The following PAK1 variants were observed in gnomAD, a reference collection of about 807,000 sequenced individuals.
The protein encoded by PAK1 is p21 (RAC1) activated kinase 1.
A neutral mutation model predicts 67.4 loss-of-function variants in PAK1; 29 were observed. The ratio of observed to expected loss-of-function variants is 0.43; its 90% CI spans 0.32 to 0.59. The LOEUF (loss-of-function observed/expected upper bound fraction) is 0.59. PAK1 is among the 20% of genes least tolerant of loss of function. The probability of loss-of-function intolerance (pLI) is 0.07; values close to 1 mark genes in which losing one functional copy is unlikely to be tolerated. For missense variants in PAK1, 337 were observed against 670.7 expected (o/e 0.50, Z 5.50); for synonymous variants, 223 against 237.4 (o/e 0.94, Z 0.56).
Position 77,322,907 on chromosome 11 carries a change from T to C in PAK1, c.*367A>G, listed in dbSNP as rs1272337366. On this transcript the variant is annotated 3_prime_UTR_variant, in exon 15 of 15. Coordinates refer to ENST00000356341, the MANE Select transcript of PAK1 (RefSeq NM_002576.5). The stretch of plus-strand genomic sequence containing the variant: ...TCAATTGATTACAAATTGATAATAT[T>C]ATCAAACCATAAATTTATATAGTCA... The C allele has an allele frequency of 1.1e-5, 6 of 561,884 alleles. No individual in the cohort carries two copies. In the South Asian group the frequency reaches 1.2e-4, roughly 11 times the overall value. 34.8% of individuals were successfully genotyped at this position (561,884 alleles called of 1,614,324 possible). A position where few individuals can be genotyped will look rare whatever the true frequency, so the allele number is the denominator to read the frequency against.
the PAK1 span, among the ~76,000 whole-genome samples, chr11:77,526,913 C>T: frequency 1.4e-5 from 2 of 144,270 alleles, no homozygotes; most frequent in African/African-American, 5.2e-5. Flanking sequence ...GAGACTCCAT[C>T]GCAAAAAAAA....
chr11:77,505,165 G>A, the PAK1 span, among the ~76,000 whole-genome samples: 1 of 151,674 alleles, frequency 6.6e-6, no homozygotes, highest in African/African-American at 2.4e-5. Flanking sequence ...TCACAGTGTT[G>A]TGCAACCATT....
chr11:77,462,623 G>C lies in PAK1; in HGVS notation c.-22+10929C>G, dbSNP rs191343863. ...AAGGCTGGCAGATCACTTGAGGTCA[G>C]GTGTCTGAGACCAGCCTGGCCAACA... On this transcript the variant is annotated intron_variant, in intron 1 of 14. Transcript: ENST00000356341. Among the ~76,000 whole-genome samples the C allele has an allele frequency of 1.9e-3, 291 of 152,110 alleles. 1 individual carries two copies. The highest frequency in any genetic ancestry group is 3.4e-3 in the Middle Eastern group (1 of 294).
At chr11:77,392,166 T>C (rs1227752494) in intron 2 of PAK1, among the ~76,000 whole-genome samples, 165 bp downstream of exon 2, 1 of 151,832 alleles carries the variant, frequency 6.6e-6, no homozygotes, top group Non-Finnish European at 1.5e-5. Context: ...AAAATAGGTC[T>C]ATTTTCCATT....
the PAK1 span, among the ~76,000 whole-genome samples, chr11:77,486,461 T>C: frequency 6.6e-6 from 1 of 152,172 alleles, no homozygotes; most frequent in Non-Finnish European, 1.5e-5. Flanking sequence ...AAAATCACCT[T>C]CATAACAACC....
At chr11:77,406,880 C>T (rs1348674304) in intron 1 of PAK1, among the ~76,000 whole-genome samples, 8 of 152,136 alleles carry the variant, frequency 5.3e-5, no homozygotes. Flanking sequence ...AAGGCAGATA[C>T]ATTAACCACA....
At chr11:77,522,605 T>C in the PAK1 span, among the ~76,000 whole-genome samples, 1 of 152,202 alleles carries the variant, frequency 6.6e-6, no homozygotes, top group Non-Finnish European at 1.5e-5. Flanking sequence ...AGGAAATGCT[T>C]ATACACTGTG....
intron 5 of PAK1, among the ~76,000 whole-genome samples, chr11:77,364,347 A>G (rs1192165239): frequency 2.0e-5 from 3 of 152,226 alleles, no homozygotes; most frequent in African/African-American, 7.2e-5. Context: ...TTTGAGCACC[A>G]TCTGTGTCAA....
chr11:77,450,696 T>G (rs7112264), intron 1 of PAK1, among the ~76,000 whole-genome samples: 16,850 of 152,170 alleles, frequency 0.11, 2,280 homozygotes, highest in African/African-American at 0.31. Context: ...GACTTAGACA[T>G]GGTTCCAGTT....
the PAK1 span, among the ~76,000 whole-genome samples, chr11:77,521,382 A>G: frequency 1.3e-5 from 2 of 152,168 alleles, no homozygotes; most frequent in African/African-American, 4.8e-5. Context: ...CTACAAAATT[A>G]GCCGGGCATG....
At chr11:77,379,783 C>A (rs1949579127) in intron 3 of PAK1, 111 bp downstream of exon 3, 2 of 756,120 alleles carry the variant, frequency 2.6e-6, no homozygotes, top group Non-Finnish European at 4.4e-6. Context: ...AAATTGTAAT[C>A]AGGGTCTCAG....
intron 1 of PAK1, among the ~76,000 whole-genome samples, chr11:77,460,323 CT>C (rs71043580): frequency 0.57 from 74,255 of 131,328 alleles, 20,782 homozygotes; most frequent in Non-Finnish European, 0.65. Flanking sequence ...TTTTTGTTTG[CT>C]TTTTTTTTTT....
At chr11:77,373,740 G>A (rs536414496) in intron 5 of PAK1, among the ~76,000 whole-genome samples, 1 of 152,222 alleles carries the variant, frequency 6.6e-6, no homozygotes, top group African/African-American at 2.4e-5. Flanking sequence ...AATTCTTCAT[G>A]ATTTCTATAA....
intron 5 of PAK1, among the ~76,000 whole-genome samples, chr11:77,373,136 C>T (rs1948646748): frequency 1.3e-5 from 2 of 152,110 alleles, no homozygotes; most frequent in African/African-American, 4.8e-5. Context: ...TGTAATGTCA[C>T]TTATTCACAC....
Position 77,415,626 on chromosome 11 carries a change from A to C in PAK1, c.-21-23085T>G, listed in dbSNP as rs1173696793. 5.9e-5 allele frequency among the ~76,000 whole-genome samples: 9 copies of C among 152,300 alleles called. No homozygotes were observed. The East Asian group carries it at 7.7e-4, about 13-fold the overall frequency. On this transcript the variant is annotated intron_variant, in intron 1 of 14. Coordinates refer to ENST00000356341, the MANE Select transcript of PAK1 (RefSeq NM_002576.5). ...TACGCCATAAAAGATTAAAAAAAAA[A>C]CAGTACATATGTAAAGGGCATTTAC...
At chr11:77,325,608 G>A (rs1428897076) in intron 14 of PAK1, among the ~76,000 whole-genome samples, 1 of 152,020 alleles carries the variant, frequency 6.6e-6, no homozygotes, top group Admixed American at 6.6e-5. Flanking sequence ...TTTACTAATC[G>A]CAGGCTTAGC....
At chr11:77,371,415 A>C (rs945197634) in intron 5 of PAK1, among the ~76,000 whole-genome samples, 25 of 152,200 alleles carry the variant, frequency 1.6e-4, no homozygotes, top group Non-Finnish European at 1.5e-5. Flanking sequence ...TCAAGGATTA[A>C]GACAGTGCAC....
intron 9 of PAK1, among the ~76,000 whole-genome samples, chr11:77,348,229 T>C (rs570052042): frequency 3.2e-4 from 48 of 152,094 alleles, no homozygotes; most frequent in Admixed American, 2.9e-3. Flanking sequence ...GAAGAGGAGG[T>C]GCCTCTCTCA....
chr11:77,437,449 GATT>G (rs1430100078), intron 1 of PAK1, among the ~76,000 whole-genome samples: 2 of 152,118 alleles, frequency 1.3e-5, no homozygotes, highest in African/African-American at 2.4e-5. Flanking sequence ...TGCTAAATAA[GATT>G]ATAATAATAT....
Sources: allele counts gnomAD v4.1 joint callset (sites outside exome capture counted in the v4.1 genomes callset), GRCh38; gene constraint gnomAD v4.1.1; transcripts MANE v1.5; gene names NCBI Gene and HGNC (gene_info 2026-07-23, HGNC 2026-07-21).